The following TMEM41B variants were observed in gnomAD, a reference collection of about 807,000 sequenced individuals.
TMEM41B encodes protein stasimon.
Under a neutral mutation model 31.9 loss-of-function variants are expected in TMEM41B, and 18 were observed. That is an observed-to-expected ratio of 0.56 (90% CI 0.39 to 0.84). The LOEUF (loss-of-function observed/expected upper bound fraction) is 0.84, where lower values mean the gene tolerates loss of function less well. TMEM41B is among the 40% of genes least tolerant of loss of function. The probability of loss-of-function intolerance (pLI) is 0.00; values close to 1 mark genes in which losing one functional copy is unlikely to be tolerated. For synonymous variants in TMEM41B, 144 were observed against 124.3 expected, an observed-to-expected ratio of 1.16 and a Z score of -1.05; for missense variants, 322 against 348.0, an observed-to-expected ratio of 0.93 and a Z score of 0.59.
intron 6 of TMEM41B, 21 bp downstream of exon 6, chr11:9,286,434 A>C: frequency 6.2e-7 from 1 of 1,600,724 alleles, no homozygotes; most frequent in Non-Finnish European, 8.5e-7. Context: ...GCTCATACAC[A>C]GCAAGAACCA....
chr11:9,297,170 C>T (rs533206882), intron 2 of TMEM41B, among the ~76,000 whole-genome samples: 24 of 152,146 alleles, frequency 1.6e-4, no homozygotes, highest in Non-Finnish European at 2.5e-4. Flanking sequence ...CTGCAAGCTC[C>T]GCCTCCCAGG....
At chr11:9,303,407 A>G (rs1301752958) in intron 1 of TMEM41B, among the ~76,000 whole-genome samples, 1 of 151,876 alleles carries the variant, frequency 6.6e-6, no homozygotes, top group Non-Finnish European at 1.5e-5. Context: ...ACCAAAGTGC[A>G]GGGATTATAG....
intron 2 of TMEM41B, among the ~76,000 whole-genome samples, chr11:9,296,426 G>C (rs1411664984): frequency 6.6e-6 from 1 of 151,572 alleles, no homozygotes; most frequent in Admixed American, 6.6e-5. Flanking sequence ...AGGAGTTCGA[G>C]ACCAGCCTGG....
chr11:9,303,140 C>A (rs1436895649), intron 1 of TMEM41B, among the ~76,000 whole-genome samples: 1 of 150,804 alleles, frequency 6.6e-6, no homozygotes, highest in Non-Finnish European at 1.5e-5. Flanking sequence ...CCTCAGCCTC[C>A]CAAGTAGCTG....
intron 1 of TMEM41B, among the ~76,000 whole-genome samples, chr11:9,313,792 A>C (rs1249464888): frequency 6.6e-6 from 1 of 152,202 alleles, no homozygotes; most frequent in East Asian, 1.9e-4. Context: ...CCCATTTCAC[A>C]GTTCAGACAC....
intron 5 of TMEM41B, among the ~76,000 whole-genome samples, chr11:9,287,168 G>A (rs968097258): frequency 5.9e-5 from 9 of 151,576 alleles, no homozygotes; most frequent in South Asian, 4.2e-4. Context: ...TTAGCCAGGC[G>A]TGGTGGCATG....
chr11:9,306,196 C>A (rs1222641558), intron 1 of TMEM41B, among the ~76,000 whole-genome samples: 1 of 151,086 alleles, frequency 6.6e-6, no homozygotes, highest in East Asian at 2.0e-4. Context: ...CCAGGCTGGT[C>A]TCGAACCCCT....
intron 2 of TMEM41B, among the ~76,000 whole-genome samples, chr11:9,298,559 G>C (rs1406605365): frequency 6.6e-6 from 1 of 151,800 alleles, no homozygotes; most frequent in East Asian, 1.9e-4. Flanking sequence ...GAGGCCAGGA[G>C]TTTGGGACCA....
chr11:9,309,019 G>A (rs375251569), intron 1 of TMEM41B, among the ~76,000 whole-genome samples: 12 of 152,044 alleles, frequency 7.9e-5, no homozygotes, highest in African/African-American at 2.9e-4. Flanking sequence ...AGGCCAAGGC[G>A]GGTGAATTAC....
chr11:9,283,669 A>G, intron 6 of TMEM41B, 76 bp from the exon 7 acceptor site: 3 of 1,312,086 alleles, frequency 2.3e-6, no homozygotes, highest in Non-Finnish European at 2.1e-6. Flanking sequence ...CTGTGTGCAT[A>G]AAGTTTCTTA....
At position 9,283,413 on chromosome 11, in the gene TMEM41B, GA is replaced by G; in HGVS notation, c.*10del. 1 of 1,599,456 alleles carries G rather than the reference GA, an allele frequency of 6.3e-7. No individual in the cohort carries two copies. Among genetic ancestry groups the G allele is most frequent in the Non-Finnish European group, 8.5e-7 (1 of 1,172,648 alleles). On this transcript the variant is annotated 3_prime_UTR_variant, in exon 7 of 7. Transcript: ENST00000528080. ...GTGATGACAGCAAAACTAAAAATCAGATGATTATTTTTACTCAAATTTCTGC... is the reference window on the plus strand; with the variant it reads ...GTGATGACAGCAAAACTAAAAATCAGTGATTATTTTTACTCAAATTTCTGC...
intron 1 of TMEM41B, among the ~76,000 whole-genome samples, chr11:9,308,298 A>G (rs776877920): frequency 6.6e-5 from 10 of 152,124 alleles, no homozygotes; most frequent in Middle Eastern, 3.2e-3. Context: ...AGCTGAGATC[A>G]CGCCACTGCA....
Position 9,299,512 on chromosome 11 carries a change from T to C in TMEM41B, c.239+72A>G. The C allele has an allele frequency of 2.9e-6, 3 of 1,040,966 alleles. No individual in the cohort carries two copies. In the South Asian group the frequency reaches 4.1e-5, roughly 14 times the overall value. The allele number at this position is 1,040,966 out of a possible 1,614,324, so 64.5% of individuals were successfully genotyped here. ...TGTTGAGATTACAGGCATCAGCTAC[T>C]GCACTTGGCCTTAATCCACTTTCAT... On this transcript the variant is annotated intron_variant, in intron 2 of 6. Transcript: ENST00000528080.
chr11:9,285,088 C>CTTTT (rs11405419), intron 6 of TMEM41B, among the ~76,000 whole-genome samples: 7 of 131,190 alleles, frequency 5.3e-5, no homozygotes, highest in Non-Finnish European at 6.4e-5. Flanking sequence ...TTCCTTCTTT[C>CTTTT]TTTTTTTTTT....
intron 1 of TMEM41B, among the ~76,000 whole-genome samples, chr11:9,304,495 C>T (rs536364898): frequency 1.6e-4 from 25 of 152,122 alleles, no homozygotes; most frequent in Middle Eastern, 6.8e-3. Flanking sequence ...TTTTATGAGA[C>T]GGTGTCTCAC....
Position 9,280,678 on chromosome 11 carries a change from T to C in TMEM41B, c.*2746A>G, listed in dbSNP as rs1852699570. ...ATTTAGGTTTCTCCAATACAATTTA[T>C]TATTATTACATTTTAGCTTGCATTT... On this transcript the variant is annotated 3_prime_UTR_variant, in exon 7 of 7. Transcript: ENST00000528080. The C allele has an allele frequency of 6.6e-6, 1 of 152,228 alleles. No homozygotes were observed. Among genetic ancestry groups the C allele is most frequent in the Non-Finnish European group, 1.5e-5 (1 of 68,042 alleles). 9.4% of individuals were successfully genotyped at this position (152,228 alleles called of 1,614,324 possible).
intron 1 of TMEM41B, chr11:9,311,240 G>C: frequency 6.7e-7 from 1 of 1,487,680 alleles, no homozygotes; most frequent in Admixed American, 1.8e-5. Flanking sequence ...TAGGAGAGCA[G>C]AACTGGTGAG....
chr11:9,305,937 A>T (rs10743104), intron 1 of TMEM41B, among the ~76,000 whole-genome samples: 58,945 of 148,872 alleles, frequency 0.4, 12,513 homozygotes, highest in East Asian at 0.5. Context: ...CATTACACAC[A>T]TGTGCCTTTT....
intron 3 of TMEM41B, among the ~76,000 whole-genome samples, chr11:9,293,102 C>T (rs2133620176): frequency 1.3e-5 from 2 of 152,230 alleles, no homozygotes; most frequent in Middle Eastern, 3.4e-3. Context: ...TACAGGTAAA[C>T]ATTTTTACTG....
Sources: gnomAD v4.1 joint callset for allele counts (sites outside exome capture counted in the v4.1 genomes callset) on GRCh38, gnomAD v4.1.1 for gene constraint, MANE v1.5 for transcripts, NCBI Gene and HGNC (gene_info 2026-07-23, HGNC 2026-07-21) for gene names.